LZTFL1: variants seen among roughly 807,000 people sequenced by gnomAD.
LZTFL1 encodes the protein leucine zipper transcription factor-like protein 1.
A neutral mutation model predicts 45.9 loss-of-function variants in LZTFL1; 25 were observed. That is an observed-to-expected ratio of 0.54 (90% CI 0.40 to 0.76). The LOEUF (loss-of-function observed/expected upper bound fraction) is 0.76. Ranked by LOEUF, LZTFL1 falls within the 30% of genes least tolerant of loss-of-function variation. The probability of loss-of-function intolerance (pLI) is 0.00; values close to 1 mark genes in which losing one functional copy is unlikely to be tolerated. For synonymous variants in LZTFL1, 93 were observed against 117.4 expected, an observed-to-expected ratio of 0.79 and a Z score of 1.35; for missense variants, 277 against 331.1, an observed-to-expected ratio of 0.84 and a Z score of 1.27.
chr3:45,849,678 A>G (rs1701278925), intron 4 of LZTFL1, among the ~76,000 whole-genome samples: 1 of 152,198 alleles, frequency 6.6e-6, no homozygotes, highest in Admixed American at 6.5e-5. Flanking sequence ...GATAGCAGAA[A>G]CGTGGTAAGA....
At chr3:45,905,201 T>G (rs1035041071) in intron 2 of LZTFL1, among the ~76,000 whole-genome samples, 2 of 152,146 alleles carry the variant, frequency 1.3e-5, no homozygotes, top group South Asian at 4.1e-4. Flanking sequence ...AGAATTCCCC[T>G]CCCAGCCAAG....
rs1379074882 is a variant in LZTFL1 at position 45,854,926 on chromosome 3, A to G, written c.-49+60T>C. 3 of 1,250,336 alleles carry G rather than the reference A, an allele frequency of 2.4e-6. No individual in the cohort carries two copies. The African/African-American group carries it at 4.5e-5, about 19-fold the overall frequency. 77.5% of individuals were successfully genotyped at this position (1,250,336 alleles called of 1,614,324 possible). The stretch of plus-strand genomic sequence containing the variant: ...ATCTAATCTGGAATAACAATAAAAA[A>G]ACAGGAACAACCACCACCAAAACAT... On this transcript the variant is annotated intron_variant, in intron 4 of 4. Coordinates refer to the LZTFL1 transcript ENST00000472635.
chr3:45,883,728 A>G (rs1701907769), intron 2 of LZTFL1: 1 of 569,496 alleles, frequency 1.8e-6, no homozygotes, highest in Admixed American at 2.4e-5. Flanking sequence ...TGAAAGTGCC[A>G]AAAGGCCTGC....
chr3:45,832,229 A>C (rs976725323), intron 5 of LZTFL1, among the ~76,000 whole-genome samples: 1 of 152,118 alleles, frequency 6.6e-6, no homozygotes, highest in Non-Finnish European at 1.5e-5. Context: ...TCAAAAAAAC[A>C]AACCAACAAA....
chr3:45,906,772 G>A (rs4683147), intron 2 of LZTFL1, among the ~76,000 whole-genome samples: 51,479 of 152,090 alleles, frequency 0.34, 10,521 homozygotes, highest in East Asian at 0.64. Flanking sequence ...AGATTTCACC[G>A]GAGGTGTGTG....
Position 45,883,409 on chromosome 3 carries a change from G to A in LZTFL1, c.-214-24393C>T, listed in dbSNP as rs150667470. ...TTATAAGAAGCTGGGAGGCAACCCC[G>A]TTAACTCACCAGAATACAGACCTCA... On this transcript the variant is annotated intron_variant, in intron 2 of 4. Transcript: ENST00000472635. Among the ~76,000 whole-genome samples the A allele has an allele frequency of 9.8e-3, 1,487 of 152,280 alleles. 28 individuals carry two copies. The highest frequency in any genetic ancestry group is 0.033 in the African/African-American group (1,385 of 41,550).
intron 2 of LZTFL1, chr3:45,897,486 C>A: frequency 1.1e-6 from 1 of 887,968 alleles, no homozygotes; most frequent in Non-Finnish European, 1.8e-6. Context: ...TGTGCCTGCT[C>A]ACCGGGCAGT....
intron 2 of LZTFL1, among the ~76,000 whole-genome samples, chr3:45,903,561 C>T (rs184884828): frequency 6.3e-4 from 96 of 152,362 alleles, no homozygotes; most frequent in African/African-American, 2.0e-3. Flanking sequence ...AACGCCATCC[C>T]TTTCCAAAGG....
intron 2 of LZTFL1, among the ~76,000 whole-genome samples, chr3:45,895,906 A>T (rs1487807645): frequency 6.6e-6 from 1 of 152,218 alleles, no homozygotes; most frequent in Non-Finnish European, 1.5e-5. Flanking sequence ...TTACATGTAG[A>T]TAATTGAAAT....
upstream of LZTFL1, among the ~76,000 whole-genome samples, chr3:45,846,628 A>T (rs1289573011): frequency 6.6e-6 from 1 of 152,214 alleles, no homozygotes; most frequent in African/African-American, 2.4e-5. Flanking sequence ...TAAGCTAGAG[A>T]AAAGAAAATA....
chr3:45,911,349 T>C (rs923299399), intron 2 of LZTFL1, among the ~76,000 whole-genome samples: 1 of 152,180 alleles, frequency 6.6e-6, no homozygotes, highest in Non-Finnish European at 1.5e-5. Flanking sequence ...CCAGAAGTAA[T>C]CAAAAGAGCC....
chr3:45,829,608 G>GAA lies in LZTFL1; in HGVS notation c.601-995_601-994dup, dbSNP rs1206418827. 1.7e-3 allele frequency among the ~76,000 whole-genome samples: 98 copies of GAA among 58,928 alleles called. 1 individual carries two copies. Among genetic ancestry groups the GAA allele is most frequent in the African/African-American group, 2.3e-3 (38 of 16,798 alleles). 38.7% of individuals were successfully genotyped at this position (58,928 alleles called of 152,430 possible). The stretch of plus-strand genomic sequence containing the variant: ...AACAGAATAAGGCCCTGTCTCAAAA[G>GAA]AAAAAAAAAAAAAAAAAAAAAAAGT... On this transcript the variant is annotated intron_variant, in intron 7 of 9. Transcript: ENST00000296135.
At chr3:45,831,037 C>T in intron 6 of LZTFL1, 36 bp downstream of exon 6, 2 of 1,602,076 alleles carry the variant, frequency 1.2e-6, no homozygotes, top group Non-Finnish European at 1.7e-6. Context: ...AATCTGTAGG[C>T]AGTTCAATAA....
intron 5 of LZTFL1, 143 bp from the exon 6 acceptor site, chr3:45,831,281 C>T (rs1322016148): frequency 5.5e-6 from 3 of 550,356 alleles, no homozygotes; most frequent in African/African-American, 3.8e-5. Context: ...TTGGTAATAT[C>T]CCAATTTCAT....
intron 2 of LZTFL1, among the ~76,000 whole-genome samples, chr3:45,866,655 C>G (rs182068408): frequency 6.6e-6 from 1 of 152,306 alleles, no homozygotes; most frequent in East Asian, 1.9e-4. Flanking sequence ...TGGCTTCACA[C>G]CCTTCCACTG....
At chr3:45,878,899 A>G (rs1701800317) in intron 2 of LZTFL1, among the ~76,000 whole-genome samples, 2 of 152,262 alleles carry the variant, frequency 1.3e-5, no homozygotes, top group Admixed American at 6.5e-5. Context: ...TGAAGAAGAT[A>G]TGCAGATGGG....
intron 2 of LZTFL1, among the ~76,000 whole-genome samples, chr3:45,889,851 T>C (rs1702094669): frequency 6.6e-6 from 1 of 151,952 alleles, no homozygotes; most frequent in Non-Finnish European, 1.5e-5. Flanking sequence ...TTGCTGAATA[T>C]TTAAGTTGTT....
chr3:45,891,129 G>A (rs954754309), intron 2 of LZTFL1, among the ~76,000 whole-genome samples: 4 of 152,218 alleles, frequency 2.6e-5, no homozygotes, highest in African/African-American at 9.7e-5. Context: ...TCAGATAAAT[G>A]TCAGTGTTTT....
chr3:45,858,167 A>G (rs1701425514), intron 3 of LZTFL1, among the ~76,000 whole-genome samples: 1 of 152,236 alleles, frequency 6.6e-6, no homozygotes, highest in South Asian at 2.1e-4. Context: ...AAATAAGTAT[A>G]TGAATAGTAG....
Sources: gnomAD v4.1 joint callset for allele counts (sites outside exome capture counted in the v4.1 genomes callset) on GRCh38, gnomAD v4.1.1 for gene constraint, MANE v1.5 for transcripts, NCBI Gene and HGNC (gene_info 2026-07-23, HGNC 2026-07-21) for gene names.